RP1L1: variants seen among roughly 807,000 people sequenced by gnomAD.
The protein encoded by RP1L1 is RP1 like 1.
In RP1L1, 27 loss-of-function variants were observed where a neutral mutation model predicts 15.7. The ratio of observed to expected loss-of-function variants is 1.72; its 90% CI spans 1.27 to 2.38. The LOEUF (loss-of-function observed/expected upper bound fraction) is 2.38. Among genes scored for constraint, RP1L1 ranks in the 30% most tolerant of loss-of-function variants. The pLI is 0.00. For missense variants in RP1L1, 4,798 were observed against 3,075.9 expected, an observed-to-expected ratio of 1.56 and a Z score of -13.24; for synonymous variants, 1,813 against 1,276.7, an observed-to-expected ratio of 1.42 and a Z score of -8.96.
At chr8:10,640,115 G>T (rs750863698) in intron 1 of RP1L1, among the ~76,000 whole-genome samples, 4 of 152,158 alleles carry the variant, frequency 2.6e-5, no homozygotes, top group African/African-American at 4.8e-5. Flanking sequence ...ATGAAAACAG[G>T]CTGGAGGACT....
In RP1L1 at chr8:10,608,570, T is replaced by G. The variant is rs766705078; in HGVS notation, c.5528A>C (p.Glu1843Ala). 1 of 1,611,208 alleles carries G rather than the reference T, an allele frequency of 6.2e-7. No homozygotes were observed. Among genetic ancestry groups the G allele is most frequent in the Non-Finnish European group, 8.5e-7 (1 of 1,177,914 alleles). The part of the protein sequence containing the change: ...EGIEAPEAEG[E>A]AQPESEGVEA... ...TACACCTTCTGACTCTGGCTGGGCC[T>G]CCCCTTCAGCCTCCGGGGCCTCTAT... The change falls in exon 4 of 4, where the codon GAG becomes GCG. Residue 1843 changes from glutamate (E) to alanine (A), a missense_variant. By Grantham distance (107) the Glu-to-Ala change is moderately radical. Transcript: ENST00000382483.
intron 1 of RP1L1, among the ~76,000 whole-genome samples, chr8:10,626,030 C>T (rs1201327213): frequency 1.3e-5 from 2 of 152,060 alleles, no homozygotes; most frequent in African/African-American, 4.8e-5. Context: ...CAAGGAAAAA[C>T]AGATTACGGG....
intron 1 of RP1L1, among the ~76,000 whole-genome samples, chr8:10,640,943 G>C (rs754250899): frequency 5.3e-5 from 8 of 152,018 alleles, no homozygotes; most frequent in Non-Finnish European, 1.2e-4. Flanking sequence ...GCTAATTTTT[G>C]TATTTTTTGT....
chr8:10,610,220 G>A lies in RP1L1; in HGVS notation c.3878C>T (p.Ala1293Val). The change falls in exon 4 of 4, where the codon GCT (alanine) becomes GTT (valine). Residue 1293 changes from alanine to valine, a missense_variant. By Grantham distance (64) the Ala-to-Val change is moderately conservative. Coordinates refer to ENST00000382483, the MANE Select transcript of RP1L1 (RefSeq NM_178857.6). Reference sequence around the variant, plus strand: ...CACCTCTTCTTGCACTGTGTTTTCAGCTAACTGCTCCAGGTTCGAGCTCGC... The same window carrying A: ...CACCTCTTCTTGCACTGTGTTTTCAACTAACTGCTCCAGGTTCGAGCTCGC... ...QRASSNLEQLAENTVQEEVQL... is the reference protein window; with the variant it reads ...QRASSNLEQLVENTVQEEVQL... 1 of 1,596,994 alleles carries A rather than the reference G, an allele frequency of 6.3e-7. No individual in the cohort carries two copies. Among genetic ancestry groups the A allele is most frequent in the South Asian group, 1.1e-5 (1 of 90,684 alleles).
rs1324281793 is a variant in RP1L1, at chr8:10,609,110, A to G, written c.4988T>C (p.Val1663Ala). ...GGACATAGGGCTCACTTTCTTCCTC[A>G]CGCAGGCCTCGCAGGGACAGAACTC... Reference protein sequence around the residue: ...GEEFCPCEACVRKKVSPMSPK... With the variant: ...GEEFCPCEACARKKVSPMSPK... The change falls in exon 4 of 4, where the codon GTG (valine) becomes GCG (alanine). Residue 1663 changes from valine (V) to alanine (A), a missense_variant. Transcript: ENST00000382483. The G allele has an allele frequency of 6.2e-7, 1 of 1,612,838 alleles. No homozygotes were observed. The highest frequency in any genetic ancestry group is 8.5e-7 in the Non-Finnish European group (1 of 1,179,330).
chr8:10,631,294 C>T (rs1798240254), intron 1 of RP1L1, among the ~76,000 whole-genome samples: 2 of 147,612 alleles, frequency 1.4e-5, no homozygotes, highest in Admixed American at 6.7e-5. Flanking sequence ...CACACGCACA[C>T]AAACACGCAT....
At chr8:10,646,751 G>T (rs1315124093) in intron 1 of RP1L1, among the ~76,000 whole-genome samples, 1 of 152,224 alleles carries the variant, frequency 6.6e-6, no homozygotes. Flanking sequence ...CTAGCTACGT[G>T]ACTTTAGGCC....
Position 10,612,563 on chromosome 8 carries a change from AG to A in RP1L1, c.1534del (p.Leu512TrpfsTer10). On this transcript the variant is annotated frameshift_variant, in exon 4 of 4. Coordinates refer to ENST00000382483, the MANE Select transcript of RP1L1 (RefSeq NM_178857.6). LOFTEE classifies it low-confidence loss of function (END_TRUNC). ...DPGLCIDGAG[L>X]GGPEQGGRLT... is the part of the protein sequence containing the mutation. ...GCGGCCGCCTTGCTCTGGGCCGCCCAGCCCTGCTCCATCTATGCATAGGCCG... is the reference window on the plus strand; with the variant it reads ...GCGGCCGCCTTGCTCTGGGCCGCCCACCCTGCTCCATCTATGCATAGGCCG... 6.2e-7 allele frequency: 1 copy of A among 1,607,440 alleles called. No homozygotes were observed. Among genetic ancestry groups the A allele is most frequent in the Non-Finnish European group, 8.5e-7 (1 of 1,179,534 alleles).
In RP1L1 at chr8:10,608,601, C is replaced by T. The variant is rs1443701668; in HGVS notation, c.5497G>A (p.Glu1833Lys). 6.8e-6 allele frequency: 11 copies of T among 1,614,228 alleles called. No individual in the cohort carries two copies. The highest frequency in any genetic ancestry group is 3.3e-5 in the South Asian group (3 of 91,088). ...DQDPGQSDGA[E>K]GIEAPEAEGE... ...TCAGCCTCCGGGGCCTCTATGCCTT[C>T]GGCCCCATCACTCTGTCCTGGATCT... is the stretch of plus-strand genomic sequence containing the variant. Residue 1833 changes from glutamate to lysine, a missense_variant, in exon 4 of 4, where the codon GAA (glutamate) becomes AAA (lysine). By Grantham distance (56) the Glu-to-Lys change is moderately conservative. Transcript: ENST00000382483.
chr8:10,609,639 C>T lies in RP1L1; in HGVS notation c.4459G>A (p.Gly1487Ser), dbSNP rs558635359. The change falls in exon 4 of 4, where the codon GGC (glycine) becomes AGC (serine). Residue 1487 changes from glycine to serine, a missense_variant. By Grantham distance (56) the Gly-to-Ser change is moderately conservative (BLOSUM62 0). Coordinates refer to ENST00000382483, the MANE Select transcript of RP1L1 (RefSeq NM_178857.6). The part of the protein sequence containing the change: ...LEKPPGATMM[G>S]QEHTQAQPTQ... ...GGTTGGGCCTGCGTGTGCTCTTGGC[C>T]CATCATGGTGGCTCCGGGCGGCTTT... 31 of 1,609,162 alleles carry T rather than the reference C, an allele frequency of 1.9e-5. No individual in the cohort carries two copies. In the South Asian group the frequency reaches 3.0e-4, roughly 15 times the overall value.
At chr8:10,618,128 A>AAC (rs1798000399) in intron 2 of RP1L1, among the ~76,000 whole-genome samples, 2 of 152,298 alleles carry the variant, frequency 1.3e-5, no homozygotes, top group Middle Eastern at 3.4e-3. Flanking sequence ...TGGCTCTCTC[A>AAC]TTGGCCAGCC....
intron 1 of RP1L1, among the ~76,000 whole-genome samples, chr8:10,632,713 A>G (rs9693108): frequency 0.29 from 44,028 of 152,170 alleles, 6,785 homozygotes; most frequent in Non-Finnish European, 0.32. Flanking sequence ...TTGTTGAGAG[A>G]CTGAATGAGT....
Position 10,612,943 on chromosome 8 carries a change from C to A in RP1L1, c.1155G>T (p.Arg385=). 1 of 1,613,090 alleles carries A rather than the reference C, an allele frequency of 6.2e-7. No individual in the cohort carries two copies. The highest frequency in any genetic ancestry group is 8.5e-7 in the Non-Finnish European group (1 of 1,179,924). ...CTTCCCTGCATCCCACCCTGCAGGG[C>A]CGGGGTCCCCACACCCCAGGCTCTG... ...GFSEPGVWGP[R]PCRVGCREVF... The change falls in exon 4 of 4, where the codon CGG becomes CGT. Residue 385 remains arginine, a synonymous_variant. Transcript: ENST00000382483.
intron 1 of RP1L1, among the ~76,000 whole-genome samples, chr8:10,639,704 T>C (rs1225465048): frequency 6.6e-6 from 1 of 152,188 alleles, no homozygotes; most frequent in Non-Finnish European, 1.5e-5. Flanking sequence ...ACCACATTAT[T>C]GGAGAATCTT....
intron 1 of RP1L1, among the ~76,000 whole-genome samples, chr8:10,643,464 C>T (rs1485633276): frequency 6.6e-6 from 1 of 152,224 alleles, no homozygotes; most frequent in African/African-American, 2.4e-5. Flanking sequence ...CCTAATACAA[C>T]ATCTGCCATG....
Position 10,612,242 on chromosome 8 carries a change from C to T in RP1L1, c.1856G>A (p.Trp619Ter). 16 of 1,613,188 alleles carry T rather than the reference C, an allele frequency of 9.9e-6. No homozygotes were observed. Among genetic ancestry groups the T allele is most frequent in the Non-Finnish European group, 1.4e-5 (16 of 1,179,972 alleles). Reference sequence around the variant, plus strand: ...GGTGGAAGAGGCTCCTTCCGAGTCCCAGGAGCAGGAAAGGCCCAGAACCAG... The same window carrying T: ...GGTGGAAGAGGCTCCTTCCGAGTCCTAGGAGCAGGAAAGGCCCAGAACCAG... ...EPLVLGLSCS[W>*]DSEGASSTPS... Residue 619 changes from tryptophan to a stop codon, truncating the protein, a stop_gained, in exon 4 of 4, where the codon TGG (tryptophan) becomes TAG (stop). Coordinates refer to ENST00000382483, the MANE Select transcript of RP1L1 (RefSeq NM_178857.6). LOFTEE classifies it low-confidence loss of function (END_TRUNC).
At chr8:10,618,465 C>G (rs1798006868) in intron 2 of RP1L1, among the ~76,000 whole-genome samples, 1 of 152,160 alleles carries the variant, frequency 6.6e-6, no homozygotes, top group African/African-American at 2.4e-5. Flanking sequence ...TAAGATCGTG[C>G]CACTGCACTC....
chr8:10,622,365 A>G (rs1456658781), intron 2 of RP1L1, among the ~76,000 whole-genome samples: 3 of 150,654 alleles, frequency 2.0e-5, no homozygotes, highest in East Asian at 1.9e-4. Context: ...GTACACAGGC[A>G]CAATGCCTGC....
Position 10,610,911 on chromosome 8 carries a change from C to A in RP1L1, c.3187G>T (p.Glu1063Ter). 1 of 1,610,962 alleles carries A rather than the reference C, an allele frequency of 6.2e-7. No individual in the cohort carries two copies. The highest frequency in any genetic ancestry group is 8.5e-7 in the Non-Finnish European group (1 of 1,179,218). Reference protein sequence around the residue: ...EAPAEAGADREAPAGCRVSLR... With the variant: ...EAPAEAGADR ...CTCACCCTGCAGCCTGCTGGGGCCT[C>A]TCTGTCTGCTCCGGCCTCTGCAGGG... Residue 1063 changes from glutamate (E) to a stop codon, truncating the protein, a stop_gained, in exon 4 of 4, where the codon GAG (glutamate) becomes TAG (stop). Coordinates refer to ENST00000382483, the MANE Select transcript of RP1L1 (RefSeq NM_178857.6). LOFTEE classifies it low-confidence loss of function (END_TRUNC).
Sources: gnomAD v4.1 joint callset for allele counts (sites outside exome capture counted in the v4.1 genomes callset) on GRCh38, gnomAD v4.1.1 for gene constraint, MANE v1.5 for transcripts, NCBI Gene and HGNC (gene_info 2026-07-23, HGNC 2026-07-21) for gene names.